Variants in ZNF732 observed in about 807,000 individuals in gnomAD.
The protein encoded by ZNF732 is zinc finger protein 732.
Under a neutral mutation model 11.5 loss-of-function variants are expected in ZNF732, and 12 were observed. The observed-to-expected ratio is 1.05, with a 90% CI of 0.67 to 1.70. ZNF732 has a LOEUF of 1.70. ZNF732 is among the 40% of genes most tolerant of loss of function. ZNF732 has a pLI of 0.00. For missense variants in ZNF732, 702 were observed against 676.9 expected (o/e 1.04, Z -0.41); for synonymous variants, 231 against 236.5 (o/e 0.98, Z 0.21).
chr4:297,040 T>TG (rs1422095498), intron 1 of ZNF732, among the ~76,000 whole-genome samples: 2 of 152,006 alleles, frequency 1.3e-5, no homozygotes, highest in Admixed American at 1.3e-4. Flanking sequence ...AAGGCCGTGG[T>TG]GGGGGGATCA....
intron 3 of ZNF732, among the ~76,000 whole-genome samples, chr4:287,011 C>T (rs782376525): frequency 6.6e-6 from 1 of 151,850 alleles, no homozygotes; most frequent in African/African-American, 2.4e-5. Context: ...ATTATCTGGG[C>T]GTGGTGGTGC....
chr4:288,121 T>A (rs1553840872), intron 3 of ZNF732, among the ~76,000 whole-genome samples: 1 of 152,234 alleles, frequency 6.6e-6, no homozygotes, highest in Non-Finnish European at 1.5e-5. Flanking sequence ...TTATTCTTTG[T>A]TGATTTTTTG....
chr4:288,444 C>T (rs2108657023), intron 3 of ZNF732, among the ~76,000 whole-genome samples: 1 of 152,302 alleles, frequency 6.6e-6, no homozygotes, highest in Admixed American at 6.5e-5. Context: ...AGGATCCAAC[C>T]TCAATTTTTC....
At chr4:281,652 T>C in intron 3 of ZNF732, among the ~76,000 whole-genome samples, 1 of 152,184 alleles carries the variant, frequency 6.6e-6, no homozygotes, top group African/African-American at 2.4e-5. Flanking sequence ...CAAAGCACTT[T>C]ATTGCAACCT....
chr4:298,083 T>C (rs1719997810), intron 1 of ZNF732, among the ~76,000 whole-genome samples: 1 of 152,250 alleles, frequency 6.6e-6, no homozygotes, highest in Non-Finnish European at 1.5e-5. Flanking sequence ...TATGTTTCTC[T>C]AGCACAATTA....
chr4:271,904 G>A lies in ZNF732; in HGVS notation c.953C>T (p.Ser318Phe). 1 of 1,611,430 alleles carries A rather than the reference G, an allele frequency of 6.2e-7. No individual in the cohort carries two copies. Among genetic ancestry groups the A allele is most frequent in the South Asian group, 1.1e-5 (1 of 90,864 alleles). The change falls in exon 4 of 4, where the codon TCC becomes TTC. Residue 318 changes from serine to phenylalanine, a missense_variant. Transcript: ENST00000419098. ...TCTGTTATGTTTAGTAAGGGTTGTGGACCTATTAAAGACTTTGCCACATTC... is the reference window on the plus strand; with the variant it reads ...TCTGTTATGTTTAGTAAGGGTTGTGAACCTATTAAAGACTTTGCCACATTC... ...CQECGKVFNR[S>F]TTLTKHNRIH...
At chr4:283,913 T>G (rs1296821008) in intron 3 of ZNF732, among the ~76,000 whole-genome samples, 4 of 152,252 alleles carry the variant, frequency 2.6e-5, no homozygotes, top group Non-Finnish European at 4.4e-5. Context: ...TTGTTTGTGT[T>G]TTTTTTAGTT....
At chr4:300,632 T>A (rs1460042452) in intron 1 of ZNF732, among the ~76,000 whole-genome samples, 1 of 152,184 alleles carries the variant, frequency 6.6e-6, no homozygotes, top group Non-Finnish European at 1.5e-5. Context: ...ATAAAAGTTC[T>A]GTGCTTCTCT....
intron 3 of ZNF732, among the ~76,000 whole-genome samples, chr4:292,535 C>T (rs1383256406): frequency 7.6e-6 from 1 of 132,312 alleles, no homozygotes; most frequent in Non-Finnish European, 1.6e-5. Context: ...CCAGCCTGAG[C>T]AACAAGAGCA....
intron 3 of ZNF732, among the ~76,000 whole-genome samples, chr4:285,406 A>G (rs1021149436): frequency 3.3e-5 from 5 of 152,196 alleles, no homozygotes; most frequent in Non-Finnish European, 5.9e-5. Flanking sequence ...TCTGAGTGGT[A>G]GAAAGAACCC....
chr4:284,599 G>C (rs1166510348), intron 3 of ZNF732, among the ~76,000 whole-genome samples: 1 of 151,976 alleles, frequency 6.6e-6, no homozygotes, highest in East Asian at 1.9e-4. Context: ...AATACTGGGT[G>C]CAGTGGCTCA....
chr4:296,299 A>G, intron 1 of ZNF732, 144 bp from the exon 2 acceptor site: 1 of 1,190,272 alleles, frequency 8.4e-7, no homozygotes, highest in East Asian at 2.7e-5. Context: ...AAAGTATTCT[A>G]TAGCTCTGCA....
chr4:291,424 CA>C lies in ZNF732; in HGVS notation c.226+4013del, dbSNP rs1318089322. Reference sequence around the variant, plus strand: ...CATTTCCATAAAGTAACAAAATTTCCAAAAAAAGAAAAAAATTCAATTTGCA... The same window carrying C: ...CATTTCCATAAAGTAACAAAATTTCCAAAAAAGAAAAAAATTCAATTTGCA... On this transcript the variant is annotated intron_variant, in intron 3 of 3. Coordinates refer to ENST00000419098, the MANE Select transcript of ZNF732 (RefSeq NM_001137608.3). 3.7e-4 allele frequency among the ~76,000 whole-genome samples: 56 copies of C among 150,210 alleles called. 1 individual carries two copies. The highest frequency in any genetic ancestry group is 1.4e-3 in the African/African-American group (56 of 40,990).
intron 3 of ZNF732, among the ~76,000 whole-genome samples, chr4:292,448 T>C (rs557107490): frequency 5.8e-4 from 88 of 151,638 alleles, no homozygotes; most frequent in African/African-American, 2.1e-3. Context: ...TCTCAGCTAT[T>C]TGGGAGGCTG....
intron 1 of ZNF732, among the ~76,000 whole-genome samples, chr4:301,676 C>T (rs1720120949): frequency 6.6e-6 from 1 of 152,026 alleles, no homozygotes; most frequent in East Asian, 1.9e-4. Flanking sequence ...AATGAGAACA[C>T]GTGGACACAG....
intron 1 of ZNF732, among the ~76,000 whole-genome samples, chr4:303,403 G>GGTA (rs1720157045): frequency 6.6e-6 from 1 of 152,178 alleles, no homozygotes; most frequent in Non-Finnish European, 1.5e-5. Flanking sequence ...TAACACCTGA[G>GGTA]GTAAGGAGTT....
At chr4:286,621 T>C (rs2108656369) in intron 3 of ZNF732, among the ~76,000 whole-genome samples, 1 of 152,330 alleles carries the variant, frequency 6.6e-6, no homozygotes, top group Non-Finnish European at 1.5e-5. Flanking sequence ...GACTAAACTG[T>C]GACAGGGGTT....
intron 3 of ZNF732, among the ~76,000 whole-genome samples, chr4:292,557 CAA>C (rs200025940): frequency 0.026 from 2,334 of 89,946 alleles, 26 homozygotes; most frequent in Middle Eastern, 0.099. Context: ...AACTCTGTCT[CAA>C]AAAAAAAAAA....
chr4:278,190 T>A (rs1719540696), intron 3 of ZNF732, among the ~76,000 whole-genome samples: 1 of 152,192 alleles, frequency 6.6e-6, no homozygotes, highest in South Asian at 2.1e-4. Flanking sequence ...GAAGGCTTTA[T>A]GCAACTAGTC....
Sources: allele counts gnomAD v4.1 joint callset (sites outside exome capture counted in the v4.1 genomes callset), GRCh38; gene constraint gnomAD v4.1.1; transcripts MANE v1.5; gene names NCBI Gene and HGNC (gene_info 2026-07-23, HGNC 2026-07-21).